Variants in PDE6D observed in about 807,000 individuals in gnomAD.
The protein encoded by PDE6D is phosphodiesterase 6D, also known as retinal rod rhodopsin-sensitive cGMP 3',5'-cyclic phosphodiesterase subunit delta.
In PDE6D, 10 loss-of-function variants were observed where a neutral mutation model predicts 21.9. The observed-to-expected ratio is 0.46, with a 90% CI of 0.28 to 0.78. The LOEUF (loss-of-function observed/expected upper bound fraction) is 0.78, where lower values mean the gene tolerates loss of function less well. Ranked by LOEUF, PDE6D falls within the 30% of genes least tolerant of loss-of-function variation. The probability of loss-of-function intolerance (pLI) is 0.12; values close to 1 mark genes in which losing one functional copy is unlikely to be tolerated. For synonymous variants in PDE6D, 59 were observed against 63.5 expected (o/e 0.93, Z 0.34); for missense variants, 139 against 184.8 (o/e 0.75, Z 1.44).
chr2:231,737,123 C>T, intron 4 of PDE6D, 64 bp downstream of exon 4: 1 of 904,660 alleles, frequency 1.1e-6, no homozygotes, highest in Admixed American at 1.9e-5. Flanking sequence ...CACCAGGAGT[C>T]CCACCTGCCT....
chr2:231,780,708 G>C (rs2049108528), intron 1 of PDE6D, among the ~76,000 whole-genome samples: 1 of 151,958 alleles, frequency 6.6e-6, no homozygotes, highest in Admixed American at 6.6e-5. Flanking sequence ...CCTTCTCCGC[G>C]GGCCGCAGCC....
In PDE6D at chr2:231,732,973, T is replaced by C. The variant is rs1490545663; in HGVS notation, c.432A>G (p.Arg144=). 3 of 1,611,818 alleles carry C rather than the reference T, an allele frequency of 1.9e-6. No individual in the cohort carries two copies. Among genetic ancestry groups the C allele is most frequent in the Non-Finnish European group, 8.5e-7 (1 of 1,178,064 alleles). Residue 144 remains arginine, a synonymous_variant, in exon 5 of 5, where the codon AGA becomes AGG. Coordinates refer to ENST00000287600, the MANE Select transcript of PDE6D (RefSeq NM_002601.4). ...TCTTTCAAACATAGAAAAGTCTCACTCTGGATGTGCTTACAAGAAGATCGT... is the reference window on the plus strand; with the variant it reads ...TCTTTCAAACATAGAAAAGTCTCACCCTGGATGTGCTTACAAGAAGATCGT... ...FDDDLLVSTS[R]VRLFYV
At chr2:231,767,509 G>A (rs1161073563) in intron 1 of PDE6D, among the ~76,000 whole-genome samples, 1 of 151,954 alleles carries the variant, frequency 6.6e-6, no homozygotes, top group Non-Finnish European at 1.5e-5. Flanking sequence ...CACAGACAGG[G>A]TTTCACCGAG....
intron 1 of PDE6D, among the ~76,000 whole-genome samples, chr2:231,766,092 A>G (rs1372126345): frequency 6.6e-6 from 1 of 152,252 alleles, no homozygotes; most frequent in Non-Finnish European, 1.5e-5. Context: ...GGGGGATAAG[A>G]TGAGAAAATA....
Position 231,732,716 on chromosome 2 carries a change from C to A in PDE6D, c.*236G>T. ...GCTGGGAAGGACTTGAGACCTGTCC[C>A]CTGCCCTGGTCTGGGGTTGGGAGTT... On this transcript the variant is annotated 3_prime_UTR_variant, in exon 5 of 5. Coordinates refer to ENST00000287600, the MANE Select transcript of PDE6D (RefSeq NM_002601.4). 2.2e-6 allele frequency: 1 copy of A among 458,918 alleles called. No homozygotes were observed. Among genetic ancestry groups the A allele is most frequent in the Non-Finnish European group, 4.0e-6 (1 of 253,110 alleles). The allele number at this position is 458,918 out of a possible 1,614,324, so 28.4% of individuals were successfully genotyped here.
intron 4 of PDE6D, among the ~76,000 whole-genome samples, chr2:231,736,210 A>C (rs2048701148): frequency 6.6e-6 from 1 of 152,136 alleles, no homozygotes; most frequent in Non-Finnish European, 1.5e-5. Context: ...AAACAAAAAC[A>C]AAAAACCTTA....
intron 1 of PDE6D, among the ~76,000 whole-genome samples, chr2:231,768,447 G>A (rs2048989803): frequency 6.6e-6 from 1 of 152,018 alleles, no homozygotes; most frequent in Non-Finnish European, 1.5e-5. Flanking sequence ...CTGGAGTGCG[G>A]TGGCGTGATC....
rs1294363497 is a variant in PDE6D at position 231,741,152 on chromosome 2, G to A, written c.51-1964C>T. On this transcript the variant is annotated intron_variant, in intron 1 of 4. Transcript: ENST00000287600. ...AAAAAAAAAAAAGGGTGTAGCAAAT[G>A]CCCAAGTCACATCATTAGTGCATTT... Among the ~76,000 whole-genome samples, 3 of 142,916 alleles carry A rather than the reference G, an allele frequency of 2.1e-5. No homozygotes were observed. The South Asian group carries it at 6.6e-4, about 31-fold the overall frequency. 93.8% of individuals were successfully genotyped at this position (142,916 alleles called of 152,430 possible). A position where few individuals can be genotyped will look rare whatever the true frequency, so the allele number is the denominator to read the frequency against.
At chr2:231,748,570 G>A (rs894231421) in intron 1 of PDE6D, among the ~76,000 whole-genome samples, 13 of 152,224 alleles carry the variant, frequency 8.5e-5, no homozygotes, top group Non-Finnish European at 1.8e-4. Context: ...CAAGCCAGCT[G>A]CAGAAATTTG....
At chr2:231,767,219 T>C (rs1200076309) in intron 1 of PDE6D, among the ~76,000 whole-genome samples, 2 of 152,104 alleles carry the variant, frequency 1.3e-5, no homozygotes, top group East Asian at 3.9e-4. Flanking sequence ...AATAATGTAA[T>C]AGCAAGCATA....
At chr2:231,744,624 G>C (rs2048777827) in intron 1 of PDE6D, among the ~76,000 whole-genome samples, 1 of 151,870 alleles carries the variant, frequency 6.6e-6, no homozygotes, top group South Asian at 2.1e-4. Context: ...GTAGCGATGG[G>C]GTTTCTCCAT....
At chr2:231,758,420 A>T (rs1288740646) in intron 1 of PDE6D, among the ~76,000 whole-genome samples, 2 of 152,176 alleles carry the variant, frequency 1.3e-5, no homozygotes, top group African/African-American at 4.8e-5. Context: ...TACAGGCATA[A>T]GCCACTGCAT....
intron 1 of PDE6D, among the ~76,000 whole-genome samples, chr2:231,762,322 G>A (rs1025216923): frequency 4.1e-5 from 6 of 145,624 alleles, no homozygotes; most frequent in South Asian, 2.2e-4. Context: ...AATCTGAAGT[G>A]GATTCAAGGA....
At chr2:231,766,972 T>G (rs981663971) in intron 1 of PDE6D, among the ~76,000 whole-genome samples, 9 of 122,772 alleles carry the variant, frequency 7.3e-5, no homozygotes, top group Admixed American at 2.3e-4. Flanking sequence ...CCAGCCTGGG[T>G]GACAGAGCGA....
intron 1 of PDE6D, among the ~76,000 whole-genome samples, chr2:231,744,825 G>A (rs746234116): frequency 6.6e-6 from 1 of 152,090 alleles, no homozygotes; most frequent in Non-Finnish European, 1.5e-5. Flanking sequence ...AGTTATTCCT[G>A]CATGTGCCCT....
At chr2:231,733,573 AG>A (rs1340051167) in intron 4 of PDE6D, among the ~76,000 whole-genome samples, 1 of 152,156 alleles carries the variant, frequency 6.6e-6, no homozygotes, top group Non-Finnish European at 1.5e-5. Context: ...ACCTGGCAAA[AG>A]GGTGAACAGA....
At chr2:231,772,580 C>T (rs1342313885) in intron 1 of PDE6D, among the ~76,000 whole-genome samples, 1 of 152,138 alleles carries the variant, frequency 6.6e-6, no homozygotes, top group African/African-American at 2.4e-5. Context: ...TAGGCTTTAG[C>T]TCAGGAATAG....
intron 1 of PDE6D, among the ~76,000 whole-genome samples, chr2:231,774,031 T>C (rs1193509889): frequency 6.6e-6 from 1 of 152,050 alleles, no homozygotes; most frequent in Non-Finnish European, 1.5e-5. Flanking sequence ...CCTCCTGGGT[T>C]CAAGCAATTC....
chr2:231,770,378 T>C (rs149851497), intron 1 of PDE6D, among the ~76,000 whole-genome samples: 140 of 152,306 alleles, frequency 9.2e-4, no homozygotes, highest in African/African-American at 3.2e-3. Flanking sequence ...CTCTGGTAAC[T>C]CTAATTGTTA....
Sources: allele counts gnomAD v4.1 joint callset (sites outside exome capture counted in the v4.1 genomes callset), GRCh38; gene constraint gnomAD v4.1.1; transcripts MANE v1.5; gene names NCBI Gene and HGNC (gene_info 2026-07-23, HGNC 2026-07-21).